Variants in PRORP observed in about 807,000 individuals in gnomAD.
The protein encoded by PRORP is protein only RNase P catalytic subunit.
A neutral mutation model predicts 59.4 loss-of-function variants in PRORP; 51 were observed. The observed-to-expected ratio is 0.86, with a 90% confidence interval of 0.69 to 1.08. PRORP has a LOEUF of 1.08. Among genes scored for constraint, PRORP ranks in the 50% least tolerant of loss-of-function variants. The pLI is 0.00. For missense variants in PRORP, 646 were observed against 690.3 expected, an observed-to-expected ratio of 0.94 and a Z score of 0.72; for synonymous variants, 231 against 245.6, an observed-to-expected ratio of 0.94 and a Z score of 0.55.
chr14:35,135,337 C>T (rs731906), intron 4 of PRORP, among the ~76,000 whole-genome samples: 22,646 of 152,106 alleles, frequency 0.15, 2,193 homozygotes, highest in East Asian at 0.31. Flanking sequence ...TGCAAGTGGA[C>T]GATCAGTGGA....
intron 6 of PRORP, among the ~76,000 whole-genome samples, chr14:35,269,701 T>A (rs2051137301): frequency 6.6e-6 from 1 of 152,198 alleles, no homozygotes; most frequent in Non-Finnish European, 1.5e-5. Flanking sequence ...CTTGAAATAC[T>A]TCAGGATAAA....
At chr14:35,246,808 CTT>C (rs2138569944) in intron 5 of PRORP, among the ~76,000 whole-genome samples, 1 of 152,278 alleles carries the variant, frequency 6.6e-6, no homozygotes, top group South Asian at 2.1e-4. Context: ...AAAAGAAACT[CTT>C]TTTTCTCTGT....
chr14:35,177,363 C>T (rs148465463), intron 4 of PRORP, among the ~76,000 whole-genome samples: 29,020 of 151,802 alleles, frequency 0.19, 3,320 homozygotes, highest in Non-Finnish European at 0.26. Context: ...GCTGTGAATC[C>T]GTCTGGTCCT....
chr14:35,267,534 A>C (rs2051071469), intron 6 of PRORP, among the ~76,000 whole-genome samples: 1 of 152,196 alleles, frequency 6.6e-6, no homozygotes, highest in Non-Finnish European at 1.5e-5. Flanking sequence ...CTGTAATCCC[A>C]ACACTTTGGG....
intron 5 of PRORP, among the ~76,000 whole-genome samples, chr14:35,210,750 CTTTTTTTTTTTT>C (rs71435870): frequency 8.8e-5 from 3 of 34,070 alleles, no homozygotes; most frequent in African/African-American, 3.6e-4. Context: ...TTTCTTTTGC[CTTTTTTTTTTTT>C]TTTTTTTTTT....
At chr14:35,178,004 C>G (rs2139025778) in intron 4 of PRORP, among the ~76,000 whole-genome samples, 1 of 152,134 alleles carries the variant, frequency 6.6e-6, no homozygotes, top group Middle Eastern at 3.4e-3. Context: ...CATTATGTAC[C>G]CAGTATTCAT....
At chr14:35,182,592 C>A (rs1365220952) in intron 5 of PRORP, among the ~76,000 whole-genome samples, 1 of 152,200 alleles carries the variant, frequency 6.6e-6, no homozygotes, top group Non-Finnish European at 1.5e-5. Context: ...TTGCAGTGAG[C>A]TGAGATCTTG....
Position 35,235,690 on chromosome 14 carries a change from G to A in PRORP, c.1276-31037G>A, listed in dbSNP as rs368787322. 17 of 348,506 alleles carry A rather than the reference G, an allele frequency of 4.9e-5. No individual in the cohort carries two copies. In the East Asian group the frequency reaches 9.7e-4, roughly 20 times the overall value. 21.6% of individuals were successfully genotyped at this position (348,506 alleles called of 1,614,324 possible). On this transcript the variant is annotated intron_variant, in intron 5 of 7. Coordinates refer to ENST00000534898, the MANE Select transcript of PRORP (RefSeq NM_014672.4). ...TTTTTTAGTACCTTCTGTAGACCAAGCAAAAGTTGCCAATGCTAGACACTT... is the reference window on the plus strand; with the variant it reads ...TTTTTTAGTACCTTCTGTAGACCAAACAAAAGTTGCCAATGCTAGACACTT...
intron 5 of PRORP, among the ~76,000 whole-genome samples, chr14:35,264,415 C>A (rs990909040): frequency 3.3e-5 from 5 of 151,740 alleles, no homozygotes; most frequent in African/African-American, 9.7e-5. Context: ...AGCCACCGTG[C>A]CTGGCCTAAT....
intron 4 of PRORP, among the ~76,000 whole-genome samples, chr14:35,147,881 T>C (rs1487422120): frequency 6.6e-6 from 1 of 152,258 alleles, no homozygotes; most frequent in East Asian, 1.9e-4. Flanking sequence ...AGGAGTGAGT[T>C]TTATTTCAAG....
rs1595145916 is a variant in PRORP, at chr14:35,123,044, T to C, written c.-202T>C. 1 of 588,384 alleles carries C rather than the reference T, an allele frequency of 1.7e-6. No individual in the cohort carries two copies. Among genetic ancestry groups the C allele is most frequent in the Non-Finnish European group, 3.0e-6 (1 of 337,206 alleles). 36.4% of individuals were successfully genotyped at this position (588,384 alleles called of 1,614,324 possible). On this transcript the variant is annotated 5_prime_UTR_variant, in exon 2 of 8. Coordinates refer to ENST00000534898, the MANE Select transcript of PRORP (RefSeq NM_014672.4). ...CGTTGGACATCCCCGGATTGTTGTTTAATAGAGAAAACTCACCTGCCTTCT... is the reference window on the plus strand; with the variant it reads ...CGTTGGACATCCCCGGATTGTTGTTCAATAGAGAAAACTCACCTGCCTTCT...
intron 4 of PRORP, among the ~76,000 whole-genome samples, chr14:35,138,692 TTAGA>T: frequency 6.9e-6 from 1 of 145,672 alleles, no homozygotes; most frequent in Non-Finnish European, 1.5e-5. Context: ...ACAAAGTAAA[TTAGA>T]TGACACCCTC....
intron 5 of PRORP, among the ~76,000 whole-genome samples, chr14:35,248,042 A>G (rs573293791): frequency 7.2e-5 from 11 of 152,290 alleles, no homozygotes; most frequent in Non-Finnish European, 1.3e-4. Flanking sequence ...ACTTGACAGG[A>G]TGTTCCCAAA....
At position 35,151,985 on chromosome 14, in the gene PRORP, G is replaced by C. The variant is rs186940126; in HGVS notation, c.1167+24374G>C. ...TTCTTGGGTGTTTCTCGCAGAGGGG[G>C]ATTTGGCAGGGTCATAGGACAATAG... is the stretch of plus-strand genomic sequence containing the variant. On this transcript the variant is annotated intron_variant, in intron 4 of 7. Transcript: ENST00000534898. Among the ~76,000 whole-genome samples, 750 of 147,410 alleles carry C rather than the reference G, an allele frequency of 5.1e-3. 10 individuals carry two copies. The highest frequency in any genetic ancestry group is 0.017 in the African/African-American group (696 of 39,980).
At chr14:35,201,471 T>C (rs1167717220) in intron 5 of PRORP, among the ~76,000 whole-genome samples, 1 of 152,184 alleles carries the variant, frequency 6.6e-6, no homozygotes, top group Non-Finnish European at 1.5e-5. Flanking sequence ...TTTTTAGTAC[T>C]TTGGGTTATA....
At position 35,137,786 on chromosome 14, in the gene PRORP, C is replaced by T. The variant is rs929369857; in HGVS notation, c.1167+10175C>T. On this transcript the variant is annotated intron_variant, in intron 4 of 7. Coordinates refer to ENST00000534898, the MANE Select transcript of PRORP (RefSeq NM_014672.4). ...GCACATGATAGAGAGCAAGAGAAGG[C>T]GATTCTGACAAAGTAGTTAACATGG... 1.3e-4 allele frequency among the ~76,000 whole-genome samples: 19 copies of T among 144,790 alleles called. 1 individual carries two copies. The highest frequency in any genetic ancestry group is 7.7e-5 in the Non-Finnish European group (5 of 65,224). The allele number at this position is 144,790 out of a possible 152,430, so 95.0% of individuals were successfully genotyped here. A position where few individuals can be genotyped will look rare whatever the true frequency, so the allele number is the denominator to read the frequency against.
chr14:35,258,235 T>G (rs892801033), intron 5 of PRORP, among the ~76,000 whole-genome samples: 1 of 152,084 alleles, frequency 6.6e-6, no homozygotes, highest in African/African-American at 2.4e-5. Flanking sequence ...CAAGAGATCC[T>G]CCCACCTCAG....
chr14:35,272,630 G>A (rs2138684319), intron 7 of PRORP, among the ~76,000 whole-genome samples: 1 of 152,304 alleles, frequency 6.6e-6, no homozygotes. Flanking sequence ...ACATACTGAA[G>A]TATTACAGAA....
intron 3 of PRORP, 79 bp downstream of exon 3, chr14:35,126,861 G>C: frequency 9.8e-7 from 1 of 1,024,562 alleles, no homozygotes; most frequent in Non-Finnish European, 1.5e-6. Context: ...AAATATTTAA[G>C]AACACCTTAA....
Sources: gnomAD v4.1 joint callset for allele counts (sites outside exome capture counted in the v4.1 genomes callset) on GRCh38, gnomAD v4.1.1 for gene constraint, MANE v1.5 for transcripts, NCBI Gene and HGNC (gene_info 2026-07-23, HGNC 2026-07-21) for gene names.